The following OTUD6B variants were observed in gnomAD, a reference collection of about 807,000 sequenced individuals.
OTUD6B encodes the protein OTU deubiquitinase 6B, also known as deubiquitinase OTUD6B.
OTUD6B carries 41 observed loss-of-function variants against 36.9 expected under a neutral mutation model. The observed-to-expected ratio is 1.11, with a 90% confidence interval of 0.87 to 1.44. The LOEUF (loss-of-function observed/expected upper bound fraction) is 1.44. Ranked by LOEUF, OTUD6B falls within the 40% of genes most tolerant of loss-of-function variation. The probability of loss-of-function intolerance (pLI) is 0.00; values close to 1 mark genes in which losing one functional copy is unlikely to be tolerated. For synonymous variants in OTUD6B, 114 were observed against 114.2 expected (o/e 1.00, Z 0.01); for missense variants, 356 against 344.8 (o/e 1.03, Z -0.26).
chr8:91,076,521 C>T (rs1812805771), intron 3 of OTUD6B: 3 of 1,520,694 alleles, frequency 2.0e-6, no homozygotes, highest in Admixed American at 2.0e-5. Flanking sequence ...TAAAGTGCCA[C>T]TCTTTCAGTA....
chr8:91,085,042 G>T lies in OTUD6B; in HGVS notation c.*174G>T. The T allele has an allele frequency of 2.8e-6, 1 of 359,754 alleles. No individual in the cohort carries two copies. Among genetic ancestry groups the T allele is most frequent in the Non-Finnish European group, 5.1e-6 (1 of 195,100 alleles). The allele number at this position is 359,754 out of a possible 1,614,324, so 22.3% of individuals were successfully genotyped here. On this transcript the variant is annotated 3_prime_UTR_variant, in exon 7 of 7. Coordinates refer to ENST00000404789, the MANE Select transcript of OTUD6B (RefSeq NM_016023.5). Reference sequence around the variant, plus strand: ...ATGTCAGAGATAAACTTTAACCAGTGTCTTCTTAGTGGAATTTTAAAAATT... The same window carrying T: ...ATGTCAGAGATAAACTTTAACCAGTTTCTTCTTAGTGGAATTTTAAAAATT...
At chr8:91,071,632 G>GC (rs1344835163) in intron 2 of OTUD6B, among the ~76,000 whole-genome samples, 4 of 152,214 alleles carry the variant, frequency 2.6e-5, no homozygotes, top group African/African-American at 9.7e-5. Flanking sequence ...ACAGGCGTGA[G>GC]CCACCGTGCC....
chr8:91,078,537 A>AC lies in OTUD6B; in HGVS notation c.497_498insC (p.Gln166HisfsTer20). ...TGTATGTATAAAGCCATTGAAGATC[A>AC]ACTGAAAGAAAAGGATTGTGCTCTG... On this transcript the variant is annotated frameshift_variant, in exon 4 of 7. Transcript: ENST00000404789. LOFTEE classifies it high-confidence loss of function. The AC allele has an allele frequency of 6.2e-7, 1 of 1,609,814 alleles. No individual in the cohort carries two copies. Among genetic ancestry groups the AC allele is most frequent in the Non-Finnish European group, 8.5e-7 (1 of 1,177,822 alleles).
intron 3 of OTUD6B, among the ~76,000 whole-genome samples, chr8:91,077,470 G>A (rs1335745007): frequency 6.6e-6 from 1 of 151,868 alleles, no homozygotes; most frequent in Non-Finnish European, 1.5e-5. Flanking sequence ...GAAACATATA[G>A]TGCTTTCTGG....
chr8:91,083,989 A>G lies in OTUD6B; in HGVS notation c.691-19A>G, dbSNP rs1442200279. ...TTACATTTTTATTTTCCTTACTGAT[A>G]CTTTTTTTCTTCCTATAGCTAAGAG... On this transcript the variant is annotated intron_variant, in intron 5 of 6. Coordinates refer to ENST00000404789, the MANE Select transcript of OTUD6B (RefSeq NM_016023.5). The G allele has an allele frequency of 1.3e-6, 2 of 1,543,254 alleles. No individual in the cohort carries two copies. Among genetic ancestry groups the G allele is most frequent in the African/African-American group, 2.8e-5 (2 of 72,462 alleles).
At position 91,085,676 on chromosome 8, in the gene OTUD6B, A is replaced by C. The variant is rs1448851446; in HGVS notation, c.*808A>C. On this transcript the variant is annotated 3_prime_UTR_variant, in exon 7 of 7. Coordinates refer to ENST00000404789, the MANE Select transcript of OTUD6B (RefSeq NM_016023.5). Reference sequence around the variant, plus strand: ...AGTACCATCATCTCTTGAGTCTTTCATAACTACACATTTTTATATTTCCTT... The same window carrying C: ...AGTACCATCATCTCTTGAGTCTTTCCTAACTACACATTTTTATATTTCCTT... 6.6e-6 allele frequency: 1 copy of C among 152,038 alleles called. No homozygotes were observed. Among genetic ancestry groups the C allele is most frequent in the Non-Finnish European group, 1.5e-5 (1 of 67,970 alleles). The allele number at this position is 152,038 out of a possible 1,614,324, so 9.4% of individuals were successfully genotyped here.
intron 3 of OTUD6B, among the ~76,000 whole-genome samples, chr8:91,074,496 A>C (rs1174267708): frequency 6.6e-6 from 1 of 152,136 alleles, no homozygotes; most frequent in African/African-American, 2.4e-5. Flanking sequence ...TTTGAAAGAA[A>C]TATTATTTAG....
intron 4 of OTUD6B, among the ~76,000 whole-genome samples, chr8:91,079,781 G>A (rs752913621): frequency 1.3e-5 from 2 of 152,056 alleles, no homozygotes; most frequent in Non-Finnish European, 2.9e-5. Context: ...AGAGGAGGTG[G>A]CAGTTCAGTA....
intron 3 of OTUD6B, chr8:91,076,442 G>C: frequency 7.2e-7 from 1 of 1,393,932 alleles, no homozygotes; most frequent in Non-Finnish European, 9.4e-7. Context: ...ATGAAGCAAA[G>C]CATGAAGGGA....
chr8:91,076,274 G>T (rs182009584), intron 3 of OTUD6B, among the ~76,000 whole-genome samples: 1 of 151,866 alleles, frequency 6.6e-6, no homozygotes, highest in Non-Finnish European at 1.5e-5. Flanking sequence ...TCTTTTATAC[G>T]TTTTTATTAG....
At position 91,085,684 on chromosome 8, in the gene OTUD6B, A is replaced by G. The variant is rs572517188; in HGVS notation, c.*816A>G. On this transcript the variant is annotated 3_prime_UTR_variant, in exon 7 of 7. Coordinates refer to ENST00000404789, the MANE Select transcript of OTUD6B (RefSeq NM_016023.5). ...CATCTCTTGAGTCTTTCATAACTACACATTTTTATATTTCCTTTTGTGTTT... is the reference window on the plus strand; with the variant it reads ...CATCTCTTGAGTCTTTCATAACTACGCATTTTTATATTTCCTTTTGTGTTT... 3.9e-5 allele frequency: 6 copies of G among 152,016 alleles called. No individual in the cohort carries two copies. The highest frequency in any genetic ancestry group is 8.8e-5 in the Non-Finnish European group (6 of 67,968). 9.4% of individuals were successfully genotyped at this position (152,016 alleles called of 1,614,324 possible).
At chr8:91,082,370 G>A (rs10956789) in intron 5 of OTUD6B, among the ~76,000 whole-genome samples, 4,814 of 151,892 alleles carry the variant, frequency 0.032, 243 homozygotes, top group African/African-American at 0.11. Flanking sequence ...ATAGATCGGG[G>A]CATTATGATT....
chr8:91,081,350 A>C (rs1812903583), intron 5 of OTUD6B, among the ~76,000 whole-genome samples: 1 of 148,952 alleles, frequency 6.7e-6, no homozygotes, highest in Non-Finnish European at 1.5e-5. Context: ...AAAAAATCTT[A>C]CTGTTAACTT....
rs769112572 is a variant in OTUD6B, at chr8:91,071,150, G to A, written c.95G>A (p.Gly32Asp). ...EKKELQAKIQ[G>D]MKNAVPKNDK... ...AATGGCTTTTCAGCCAAAATTCAGG[G>A]CATGAAGAATGCTGTTCCCAAGAAT... The change falls in exon 2 of 7, where the codon GGC (glycine) becomes GAC (aspartate). Residue 32 changes from glycine (G) to aspartate (D), a missense_variant. Coordinates refer to ENST00000404789, the MANE Select transcript of OTUD6B (RefSeq NM_016023.5). The A allele has an allele frequency of 1.7e-5, 28 of 1,612,738 alleles. No homozygotes were observed. The highest frequency in any genetic ancestry group is 3.3e-4 in the Middle Eastern group (2 of 6,084).
At position 91,071,230 on chromosome 8, in the gene OTUD6B, A is replaced by G; in HGVS notation, c.175A>G (p.Met59Val). The G allele has an allele frequency of 6.2e-7, 1 of 1,614,008 alleles. No homozygotes were observed. The highest frequency in any genetic ancestry group is 8.5e-7 in the Non-Finnish European group (1 of 1,179,852). The part of the protein sequence containing the change: ...TEDVAKLEKE[M>V]EQKHREELEQ... ...AGATGTGGCCAAGTTGGAAAAAGAA[A>G]TGGAACAGAAACATAGAGAGGAACT... Residue 59 changes from methionine (M) to valine (V), a missense_variant, in exon 2 of 7, where the codon ATG becomes GTG. By Grantham distance (21) the Met-to-Val change is conservative. Coordinates refer to ENST00000404789, the MANE Select transcript of OTUD6B (RefSeq NM_016023.5).
At chr8:91,083,152 A>G (rs1050943522) in intron 5 of OTUD6B, among the ~76,000 whole-genome samples, 4 of 152,188 alleles carry the variant, frequency 2.6e-5, no homozygotes, top group African/African-American at 9.7e-5. Context: ...ATTCATTGAT[A>G]GGGCAGTACA....
chr8:91,070,560 T>C lies in OTUD6B; in HGVS notation c.82+94T>C, dbSNP rs1023975363. 77 of 1,208,214 alleles carry C rather than the reference T, an allele frequency of 6.4e-5. 1 individual carries two copies. Among genetic ancestry groups the C allele is most frequent in the African/African-American group, 5.6e-4 (37 of 66,448 alleles). 74.8% of individuals were successfully genotyped at this position (1,208,214 alleles called of 1,614,324 possible). On this transcript the variant is annotated intron_variant, in intron 1 of 6. Transcript: ENST00000404789. ...CTGGGGAATCTCAAGGCGTGACTTA[T>C]CTGGATCACCCTAGACTTCCCCTAG... is the stretch of plus-strand genomic sequence containing the variant.
chr8:91,078,942 A>C (rs1208157390), intron 4 of OTUD6B: 1 of 247,734 alleles, frequency 4.0e-6, no homozygotes, highest in African/African-American at 2.3e-5. Context: ...TTTTGAAAAA[A>C]ATGTAAGTTC....
Position 91,080,656 on chromosome 8 carries a change from C to T in OTUD6B, c.629-13C>T, listed in dbSNP as rs1170952015. On this transcript the variant is annotated splice_polypyrimidine_tract_variant and intron_variant, in intron 4 of 6. Transcript: ENST00000404789. ...AAATTATTAAGTGCTGTATTCTGACCTAATCTCTACAGAAGAATTTCAGAA... is the reference window on the plus strand; with the variant it reads ...AAATTATTAAGTGCTGTATTCTGACTTAATCTCTACAGAAGAATTTCAGAA... 1 of 1,591,480 alleles carries T rather than the reference C, an allele frequency of 6.3e-7. No homozygotes were observed. The highest frequency in any genetic ancestry group is 8.6e-7 in the Non-Finnish European group (1 of 1,167,734).
Sources: allele counts gnomAD v4.1 joint callset (sites outside exome capture counted in the v4.1 genomes callset), GRCh38; gene constraint gnomAD v4.1.1; transcripts MANE v1.5; gene names NCBI Gene and HGNC (gene_info 2026-07-23, HGNC 2026-07-21).